FSD1L: variants seen among roughly 807,000 people sequenced by gnomAD.
FSD1L encodes fibronectin type III and SPRY domain containing 1 like, also known as FSD1-like protein.
Under a neutral mutation model 71.6 loss-of-function variants are expected in FSD1L, and 45 were observed. The ratio of observed to expected loss-of-function variants is 0.63; its 90% CI spans 0.49 to 0.81. The LOEUF is 0.81. Among genes scored for constraint, FSD1L ranks in the 30% least tolerant of loss-of-function variants. FSD1L has a pLI of 0.00. For synonymous variants in FSD1L, 197 were observed against 207.2 expected (o/e 0.95, Z 0.42); for missense variants, 561 against 618.1 (o/e 0.91, Z 0.98).
chr9:105,510,038 C>A (rs544654857), intron 9 of FSD1L, among the ~76,000 whole-genome samples: 10 of 152,178 alleles, frequency 6.6e-5, no homozygotes, highest in Admixed American at 2.0e-4. Context: ...CAAAGTTGGA[C>A]CTAAATGTGG....
chr9:105,445,184 G>A (rs936255561), upstream of FSD1L, among the ~76,000 whole-genome samples: 1 of 152,142 alleles, frequency 6.6e-6, no homozygotes, highest in African/African-American at 2.4e-5. Context: ...TACAAACTGG[G>A]GAAGACAGAA....
In FSD1L at chr9:105,549,271, C is replaced by A. The variant is rs1257130761; in HGVS notation, c.*2788C>A. ...TCTCTTTTAGCAACTGAATTCCCAA[C>A]GAGTTTTATTAAGCTGGATATCGAA... is the stretch of plus-strand genomic sequence containing the variant. On this transcript the variant is annotated 3_prime_UTR_variant, in exon 14 of 14. Coordinates refer to ENST00000481272, the MANE Select transcript of FSD1L (RefSeq NM_001145313.3). 6.6e-6 allele frequency: 1 copy of A among 151,974 alleles called. No homozygotes were observed. The highest frequency in any genetic ancestry group is 1.5e-5 in the Non-Finnish European group (1 of 67,924). The allele number at this position is 151,974 out of a possible 1,614,324, so 9.4% of individuals were successfully genotyped here. A position where few individuals can be genotyped will look rare whatever the true frequency, so the allele number is the denominator to read the frequency against.
chr9:105,522,503 A>G (rs1835236842), intron 10 of FSD1L: 1 of 1,613,752 alleles, frequency 6.2e-7, no homozygotes, highest in African/African-American at 1.3e-5. Flanking sequence ...GGAGTATAGT[A>G]CGGCAAAAAA....
chr9:105,538,661 G>GA (rs1836416850), intron 12 of FSD1L, among the ~76,000 whole-genome samples: 1 of 152,148 alleles, frequency 6.6e-6, no homozygotes, highest in African/African-American at 2.4e-5. Context: ...AGCAGGTCAG[G>GA]CATAGTGGCT....
In FSD1L at chr9:105,548,681, CTCCACTGGAGAGGTTTCA is replaced by C. The variant is rs1280040794; in HGVS notation, c.*2201_*2218del. On this transcript the variant is annotated 3_prime_UTR_variant, in exon 14 of 14. Transcript: ENST00000481272. The stretch of plus-strand genomic sequence containing the variant: ...TTTCTAATATTCATTTGGAAAACCT[CTCCACTGGAGAGGTTTCA>C]TCTCTGAGAGGTTTTGTAATAATAG... 1.3e-5 allele frequency: 2 copies of C among 151,996 alleles called. No individual in the cohort carries two copies. The highest frequency in any genetic ancestry group is 4.8e-5 in the African/African-American group (2 of 41,400). 9.4% of individuals were successfully genotyped at this position (151,996 alleles called of 1,614,324 possible).
In FSD1L at chr9:105,484,440, C is replaced by T. The variant is rs1832404794; in HGVS notation, c.524C>T (p.Thr175Ile). ...SLKPKVSDNM[T>I]HLMVDFSQER... ...AAACCAAAGGTCAGTGACAACATGA[C>T]TCATTTAATGGTGGATTTCTCACAG... The change falls in exon 7 of 14, where the codon ACT (threonine) becomes ATT (isoleucine). Residue 175 changes from threonine (T) to isoleucine (I), a missense_variant. This residue lies in a region of FSD1L where 410 missense variants were observed against 413.5 expected (regional missense o/e 0.99). Coordinates refer to ENST00000481272, the MANE Select transcript of FSD1L (RefSeq NM_001145313.3). The T allele has an allele frequency of 2.0e-6, 3 of 1,531,162 alleles. No homozygotes were observed. Among genetic ancestry groups the T allele is most frequent in the South Asian group, 1.3e-5 (1 of 79,860 alleles). 94.8% of individuals were successfully genotyped at this position (1,531,162 alleles called of 1,614,324 possible). A position where few individuals can be genotyped will look rare whatever the true frequency, so the allele number is the denominator to read the frequency against.
intron 1 of FSD1L, among the ~76,000 whole-genome samples, chr9:105,459,410 G>C (rs1042310210): frequency 6.6e-6 from 1 of 152,194 alleles, no homozygotes; most frequent in African/African-American, 2.4e-5. Flanking sequence ...CAGAAAGGTT[G>C]AAGCCTTGGC....
chr9:105,520,172 G>A (rs1835045871), intron 10 of FSD1L: 1 of 1,611,180 alleles, frequency 6.2e-7, no homozygotes, highest in South Asian at 1.1e-5. Context: ...AGTCCACCCA[G>A]AAGGTGCTAG....
upstream of FSD1L, among the ~76,000 whole-genome samples, chr9:105,444,814 G>A (rs889438096): frequency 6.6e-6 from 1 of 151,962 alleles, no homozygotes; most frequent in East Asian, 1.9e-4. Flanking sequence ...TTGCTTTCTC[G>A]CAGTTCAATG....
chr9:105,517,176 TG>T (rs1329796537), intron 10 of FSD1L, among the ~76,000 whole-genome samples: 2 of 152,110 alleles, frequency 1.3e-5, no homozygotes, highest in African/African-American at 4.8e-5. Flanking sequence ...TGGGACTATG[TG>T]AAAAGACCAA....
intron 10 of FSD1L, chr9:105,520,679 C>G: frequency 6.2e-7 from 1 of 1,613,374 alleles, no homozygotes; most frequent in Non-Finnish European, 8.5e-7. Flanking sequence ...TTCAGAATAA[C>G]TGTAGCAAAG....
chr9:105,526,918 T>C (rs1385538358), intron 10 of FSD1L, among the ~76,000 whole-genome samples: 1 of 151,690 alleles, frequency 6.6e-6, no homozygotes, highest in Admixed American at 6.6e-5. Flanking sequence ...AATAAATATA[T>C]AATTTTTTAC....
chr9:105,469,002 A>G (rs1281343614), intron 4 of FSD1L, among the ~76,000 whole-genome samples: 1 of 152,216 alleles, frequency 6.6e-6, no homozygotes, highest in Non-Finnish European at 1.5e-5. Context: ...CATGTCTCAT[A>G]TAAGTGGAAT....
intron 10 of FSD1L, chr9:105,523,878 A>G (rs1564139016): frequency 3.1e-6 from 5 of 1,593,308 alleles, no homozygotes; most frequent in South Asian, 1.1e-5. Context: ...TGGTGCCACA[A>G]TGCTTATTAT....
rs562474902 is a variant in FSD1L, at chr9:105,519,459, A to G, written c.1025+6523A>G. Among the ~76,000 whole-genome samples the G allele has an allele frequency of 2.6e-5, 4 of 152,320 alleles. No individual in the cohort carries two copies. In the South Asian group the frequency reaches 8.3e-4, roughly 32 times the overall value. On this transcript the variant is annotated intron_variant, in intron 10 of 13. Transcript: ENST00000481272. ...ATCAAAAAGCTATCCACCACAATCAAGTCGGCTTCATCCTTAGGATGCAAG... is the reference window on the plus strand; with the variant it reads ...ATCAAAAAGCTATCCACCACAATCAGGTCGGCTTCATCCTTAGGATGCAAG...
chr9:105,523,625 G>C, intron 10 of FSD1L: 1 of 1,609,974 alleles, frequency 6.2e-7, no homozygotes, highest in South Asian at 1.1e-5. Context: ...TTCCTCCACT[G>C]AGAATTCTTA....
chr9:105,484,625 C>A, intron 7 of FSD1L, 123 bp downstream of exon 7: 1 of 542,094 alleles, frequency 1.8e-6, no homozygotes, highest in Non-Finnish European at 2.9e-6. Flanking sequence ...TTTCATTCAG[C>A]TAAGGAATAA....
chr9:105,476,639 T>C (rs930472204), intron 5 of FSD1L, among the ~76,000 whole-genome samples: 1 of 152,200 alleles, frequency 6.6e-6, no homozygotes, highest in African/African-American at 2.4e-5. Context: ...ACTCTTTAGA[T>C]CTTCTATTGA....
intron 7 of FSD1L, among the ~76,000 whole-genome samples, chr9:105,491,989 G>C (rs370301845): frequency 1.3e-5 from 2 of 151,976 alleles, no homozygotes; most frequent in East Asian, 1.9e-4. Context: ...GCCCGGCTTT[G>C]GTATCAGGAT....
Sources: gnomAD v4.1 joint callset for allele counts (sites outside exome capture counted in the v4.1 genomes callset) on GRCh38, gnomAD v4.1.1 for gene constraint, gnomAD v4.1.1 regional missense constraint, MANE v1.5 for transcripts, NCBI Gene and HGNC (gene_info 2026-07-23, HGNC 2026-07-21) for gene names.